Variants in RARS1 observed in about 807,000 individuals in gnomAD.
RARS1 encodes arginyl-tRNA synthetase 1, also known as arginine--tRNA ligase, cytoplasmic.
A neutral mutation model predicts 78.7 loss-of-function variants in RARS1; 75 were observed. The observed-to-expected ratio is 0.95, with a 90% CI of 0.79 to 1.15. The LOEUF is 1.15. Ranked by LOEUF, RARS1 falls within the 50% of genes most tolerant of loss-of-function variation. The probability of loss-of-function intolerance (pLI) is 0.00; values close to 1 mark genes in which losing one functional copy is unlikely to be tolerated. For missense variants in RARS1, 787 were observed against 787.5 expected, an observed-to-expected ratio of 1.00 and a Z score of 0.01; for synonymous variants, 273 against 268.2, an observed-to-expected ratio of 1.02 and a Z score of -0.18.
chr5:168,517,744 A>T, intron 13 of RARS1, 71 bp from the exon 14 acceptor site: 1 of 1,109,450 alleles, frequency 9.0e-7, no homozygotes, highest in African/African-American at 1.6e-5. Context: ...GATAATTTCG[A>T]GTGGAGAATG....
chr5:168,518,122 C>G, intron 14 of RARS1, 60 bp downstream of exon 14: 1 of 1,322,964 alleles, frequency 7.6e-7, no homozygotes, highest in South Asian at 1.6e-5. Flanking sequence ...CTTGCTCTGT[C>G]CCTTGGGCTG....
chr5:168,492,176 A>T (rs528408199), intron 2 of RARS1, among the ~76,000 whole-genome samples: 1 of 152,200 alleles, frequency 6.6e-6, no homozygotes, highest in African/African-American at 2.4e-5. Flanking sequence ...GTCTCATAAC[A>T]GTAAAACAAA....
In RARS1 at chr5:168,517,795, A is replaced by T. The variant is rs780268991; in HGVS notation, c.1626-20A>T. 2 of 1,543,596 alleles carry T rather than the reference A, an allele frequency of 1.3e-6. No homozygotes were observed. Among genetic ancestry groups the T allele is most frequent in the Non-Finnish European group, 1.8e-6 (2 of 1,141,182 alleles). On this transcript the variant is annotated intron_variant, in intron 13 of 14. Coordinates refer to ENST00000231572, the MANE Select transcript of RARS1 (RefSeq NM_002887.4). ...AGGGAACAGTGGTGATTGCCTGATG[A>T]TTTTTTTGTTTTTTTTAAGGTCTAT...
intron 11 of RARS1, among the ~76,000 whole-genome samples, chr5:168,507,952 G>A (rs1461059851): frequency 2.0e-5 from 3 of 151,658 alleles, no homozygotes; most frequent in South Asian, 2.1e-4. Flanking sequence ...CTTGAGCATC[G>A]ACGTGGAAGT....
chr5:168,518,068 T>G lies in RARS1; in HGVS notation c.1873+6T>G, dbSNP rs1582444860. 1.4e-6 allele frequency: 2 copies of G among 1,405,488 alleles called. No homozygotes were observed. The highest frequency in any genetic ancestry group is 1.6e-5 in the African/African-American group (1 of 62,154). The allele number at this position is 1,405,488 out of a possible 1,614,324, so 87.1% of individuals were successfully genotyped here. On this transcript the variant is annotated splice_donor_region_variant and intron_variant, in intron 14 of 14. Transcript: ENST00000231572. ...GGAGAAAGATAGACAGACTGGTGAG[T>G]GTCTTTTTTTTTTTTTTTTTTTTTT... is the stretch of plus-strand genomic sequence containing the variant.
intron 11 of RARS1, among the ~76,000 whole-genome samples, chr5:168,509,913 G>A (rs1344321364): frequency 6.6e-6 from 1 of 152,150 alleles, no homozygotes. Context: ...CAAGGTTACA[G>A]TGAGCTGTGG....
chr5:168,498,938 C>G (rs1758258075), intron 7 of RARS1, among the ~76,000 whole-genome samples: 2 of 151,678 alleles, frequency 1.3e-5, no homozygotes, highest in African/African-American at 4.8e-5. Context: ...CACCATTGCA[C>G]TATACAGCCT....
At chr5:168,508,634 A>AG (rs1210131622) in intron 11 of RARS1, among the ~76,000 whole-genome samples, 11 of 151,944 alleles carry the variant, frequency 7.2e-5, no homozygotes, top group African/African-American at 2.4e-4. Flanking sequence ...AAAAAAAAAA[A>AG]AAAAAAAAAA....
chr5:168,519,030 A>G (rs770603141), intron 14 of RARS1, 51 bp from the exon 15 acceptor site: 12 of 1,491,528 alleles, frequency 8.0e-6, no homozygotes, highest in Middle Eastern at 1.9e-4. Context: ...TTTAATAATG[A>G]TTTTCAAAAA....
chr5:168,501,878 T>A, intron 8 of RARS1, 123 bp from the exon 9 acceptor site: 1 of 1,375,382 alleles, frequency 7.3e-7, no homozygotes, highest in South Asian at 1.5e-5. Context: ...CATACATTTT[T>A]TATGTAATTA....
chr5:168,494,527 AT>A, intron 4 of RARS1, 22 bp from the exon 5 acceptor site: 1 of 1,605,454 alleles, frequency 6.2e-7, no homozygotes, highest in East Asian at 2.2e-5. Flanking sequence ...AGTATCTGAT[AT>A]TTTTTCTCTT....
intron 12 of RARS1, among the ~76,000 whole-genome samples, chr5:168,515,446 G>T (rs1758645906): frequency 6.6e-6 from 1 of 152,044 alleles, no homozygotes; most frequent in Non-Finnish European, 1.5e-5. Flanking sequence ...CCAATTACAG[G>T]CATGAGCATT....
chr5:168,499,972 G>A (rs748199422), intron 7 of RARS1, among the ~76,000 whole-genome samples: 16 of 152,114 alleles, frequency 1.1e-4, no homozygotes, highest in Non-Finnish European at 2.1e-4. Flanking sequence ...CAGATCACTT[G>A]AGGTCAGGAA....
At chr5:168,506,668 C>CA (rs1758452708) in intron 10 of RARS1, 54 bp from the exon 11 acceptor site, 13 of 1,129,832 alleles carry the variant, frequency 1.2e-5, no homozygotes, top group Non-Finnish European at 1.6e-5. Context: ...AGCCTTAAGT[C>CA]TTTTTTTTTT....
At chr5:168,510,155 A>G (rs1259888756) in intron 11 of RARS1, among the ~76,000 whole-genome samples, 2 of 152,276 alleles carry the variant, frequency 1.3e-5, no homozygotes, top group East Asian at 3.8e-4. Context: ...CAACAATTCT[A>G]GAAACATATA....
chr5:168,500,559 C>A, intron 7 of RARS1, 32 bp from the exon 8 acceptor site: 2 of 1,416,870 alleles, frequency 1.4e-6, no homozygotes, highest in Non-Finnish European at 1.8e-6. Flanking sequence ...TCTTTTTACA[C>A]ACCTTACTTT....
intron 9 of RARS1, among the ~76,000 whole-genome samples, chr5:168,504,169 T>C (rs4976617): frequency 0.2 from 29,178 of 148,972 alleles, 3,137 homozygotes; most frequent in Admixed American, 0.31. Context: ...ATCACTTGAG[T>C]CCAGGAGTTT....
rs764862396 is a variant in RARS1, at chr5:168,510,581, G to T, written c.1347G>T (p.Lys449Asn). 1.2e-6 allele frequency: 2 copies of T among 1,602,090 alleles called. No individual in the cohort carries two copies. The highest frequency in any genetic ancestry group is 4.5e-5 in the East Asian group (2 of 44,756). ...AGFGVVLGED[K>N]KKFKTRSGET... ...TGATTGGGGGTTTTACATTTTTTAG[G>T]AAAAAGTTTAAAACACGTTCGGGTG... is the stretch of plus-strand genomic sequence containing the variant. The change falls in exon 12 of 15, where the codon AAG becomes AAT. Residue 449 changes from lysine to asparagine, a missense_variant and splice_region_variant. By Grantham distance (94) the Lys-to-Asn change is moderately conservative. Coordinates refer to ENST00000231572, the MANE Select transcript of RARS1 (RefSeq NM_002887.4).
At chr5:168,511,905 G>A (rs1044048051) in intron 12 of RARS1, among the ~76,000 whole-genome samples, 1 of 151,960 alleles carries the variant, frequency 6.6e-6, no homozygotes, top group Non-Finnish European at 1.5e-5. Flanking sequence ...TCACTCTGTC[G>A]CTCAGGCTGG....
Sources: gnomAD v4.1 joint callset for allele counts (sites outside exome capture counted in the v4.1 genomes callset) on GRCh38, gnomAD v4.1.1 for gene constraint, MANE v1.5 for transcripts, NCBI Gene and HGNC (gene_info 2026-07-23, HGNC 2026-07-21) for gene names.